CTNNA3: variants seen among roughly 807,000 people sequenced by gnomAD.
CTNNA3 encodes catenin alpha 3, also known as catenin alpha-3.
In CTNNA3, 76 loss-of-function variants were observed where a neutral mutation model predicts 95.7. That is an observed-to-expected ratio of 0.79 (90% CI 0.66 to 0.96). CTNNA3 has a LOEUF of 0.96. Ranked by LOEUF, CTNNA3 falls within the 40% of genes least tolerant of loss-of-function variation. The pLI is 0.00. For missense variants in CTNNA3, 1,191 were observed against 1,089.8 expected (o/e 1.09, Z -1.31); for synonymous variants, 431 against 374.4 (o/e 1.15, Z -1.74).
At chr10:67,390,537 C>T (rs1178151799) in intron 5 of CTNNA3, among the ~76,000 whole-genome samples, 2 of 151,750 alleles carry the variant, frequency 1.3e-5, no homozygotes, top group African/African-American at 4.8e-5. Flanking sequence ...AAGAGGGAAT[C>T]CTCCCTAACT....
At chr10:67,235,220 A>T (rs1268077526) in intron 5 of CTNNA3, among the ~76,000 whole-genome samples, 1 of 152,002 alleles carries the variant, frequency 6.6e-6, no homozygotes, top group Non-Finnish European at 1.5e-5. Flanking sequence ...ATCCTAAGCC[A>T]AAAGAACAAA....
chr10:67,017,142 A>G (rs1395025581), intron 7 of CTNNA3, among the ~76,000 whole-genome samples: 1 of 152,224 alleles, frequency 6.6e-6, no homozygotes, highest in Non-Finnish European at 1.5e-5. Flanking sequence ...CAAACAATAT[A>G]TTCATAGTAT....
intron 7 of CTNNA3, among the ~76,000 whole-genome samples, chr10:67,114,625 A>G (rs951834031): frequency 3.3e-5 from 5 of 152,044 alleles, no homozygotes; most frequent in African/African-American, 1.2e-4. Flanking sequence ...ATTTTAATCC[A>G]GTAGTTCTTA....
At chr10:66,022,285 G>A (rs1298729465) in intron 15 of CTNNA3, among the ~76,000 whole-genome samples, 2 of 152,062 alleles carry the variant, frequency 1.3e-5, no homozygotes, top group Admixed American at 6.5e-5. Context: ...CAAATAAATA[G>A]CAAAATCTCC....
intron 3 of CTNNA3, among the ~76,000 whole-genome samples, chr10:67,557,657 T>A (rs1373830727): frequency 6.6e-6 from 1 of 152,214 alleles, no homozygotes; most frequent in East Asian, 1.9e-4. Flanking sequence ...CAGTTTCAAA[T>A]AACAGAATCT....
At chr10:66,528,977 T>C (rs911576098) in intron 10 of CTNNA3, among the ~76,000 whole-genome samples, 10 of 152,170 alleles carry the variant, frequency 6.6e-5, no homozygotes, top group African/African-American at 2.4e-4. Context: ...TTCTGGATTT[T>C]GCTATATTTT....
intron 7 of CTNNA3, among the ~76,000 whole-genome samples, chr10:66,985,043 C>G (rs188664306): frequency 1.8e-3 from 275 of 152,246 alleles, no homozygotes; most frequent in African/African-American, 5.1e-3. Flanking sequence ...CTCATCCCTG[C>G]CTTTGTTTCT....
In CTNNA3 at chr10:66,379,147, C is replaced by T; in HGVS notation, c.1732+5G>A. On this transcript the variant is annotated splice_donor_5th_base_variant and intron_variant, in intron 12 of 17. Coordinates refer to ENST00000433211, the MANE Select transcript of CTNNA3 (RefSeq NM_013266.4). ...TTGTGCAGCTGTTATTGGCAACTGACTTACCAGTACTTGTAAGGAAGTTAA... is the reference window on the plus strand; with the variant it reads ...TTGTGCAGCTGTTATTGGCAACTGATTTACCAGTACTTGTAAGGAAGTTAA... 1 of 1,611,082 alleles carries T rather than the reference C, an allele frequency of 6.2e-7. No individual in the cohort carries two copies. The highest frequency in any genetic ancestry group is 8.5e-7 in the Non-Finnish European group (1 of 1,177,242).
intron 16 of CTNNA3, among the ~76,000 whole-genome samples, chr10:65,987,093 A>T (rs2078444044): frequency 6.6e-6 from 1 of 151,934 alleles, no homozygotes; most frequent in Non-Finnish European, 1.5e-5. Context: ...AAACTATAAA[A>T]CTAGTAGAAG....
At chr10:66,644,260 CTCTGTCTGTCTG>C (rs138947110) in intron 9 of CTNNA3, among the ~76,000 whole-genome samples, 1 of 144,442 alleles carries the variant, frequency 6.9e-6, no homozygotes, top group African/African-American at 2.6e-5. Flanking sequence ...GACTTGGTCT[CTCTGTCTGTCTG>C]TCTGTCTGTC....
At chr10:66,671,130 C>A (rs1846645063) in intron 9 of CTNNA3, among the ~76,000 whole-genome samples, 1 of 152,096 alleles carries the variant, frequency 6.6e-6, no homozygotes, top group Non-Finnish European at 1.5e-5. Context: ...AATTAAGAAC[C>A]AAACTGCAAA....
chr10:67,234,834 T>A (rs1227857587), intron 5 of CTNNA3, among the ~76,000 whole-genome samples: 2 of 151,200 alleles, frequency 1.3e-5, no homozygotes, highest in Non-Finnish European at 2.9e-5. Flanking sequence ...ACAAAATCAA[T>A]GTACAAAAAT....
At chr10:66,255,292 G>A (rs1287415835) in intron 13 of CTNNA3, among the ~76,000 whole-genome samples, 3 of 152,224 alleles carry the variant, frequency 2.0e-5, no homozygotes, top group Non-Finnish European at 2.9e-5. Flanking sequence ...AAAATCCCTC[G>A]CAGGCACTTC....
intron 7 of CTNNA3, among the ~76,000 whole-genome samples, chr10:67,136,588 T>A (rs1213924040): frequency 1.3e-5 from 2 of 151,670 alleles, no homozygotes; most frequent in Non-Finnish European, 2.9e-5. Flanking sequence ...GAGAGAGAAG[T>A]TTGCATTTTC....
intron 7 of CTNNA3, among the ~76,000 whole-genome samples, chr10:67,042,506 TATGTATAAGACATAGAGTGTGGCAGTGGA>T (rs1230514213): frequency 4.0e-4 from 61 of 152,278 alleles, no homozygotes; most frequent in Non-Finnish European, 7.9e-4. Flanking sequence ...TGGAGTCATA[TATGTATAAGACATAGAGTGTGGCAGTGGA>T]TCAAATAGTG....
At chr10:66,052,366 T>C (rs535514838) in intron 15 of CTNNA3, among the ~76,000 whole-genome samples, 2 of 152,184 alleles carry the variant, frequency 1.3e-5, no homozygotes, top group Admixed American at 1.3e-4. Context: ...ATATCAAAGA[T>C]TGCCTTTGAG....
chr10:66,648,870 C>T (rs1180854546), intron 9 of CTNNA3, among the ~76,000 whole-genome samples: 2 of 152,144 alleles, frequency 1.3e-5, no homozygotes, highest in African/African-American at 4.8e-5. Flanking sequence ...AAAATCATTA[C>T]AGATGGGAGA....
At chr10:66,928,527 T>C (rs889296544) in intron 7 of CTNNA3, 12 of 1,377,336 alleles carry the variant, frequency 8.7e-6, no homozygotes, top group Admixed American at 7.1e-5. Context: ...CTGGTGACTA[T>C]CAAGGGAACG....
chr10:67,246,919 T>C, intron 5 of CTNNA3, among the ~76,000 whole-genome samples: 1 of 152,236 alleles, frequency 6.6e-6, no homozygotes. Flanking sequence ...TAGCTTTTGC[T>C]ATCTCAATGT....
Sources: allele counts gnomAD v4.1 joint callset (sites outside exome capture counted in the v4.1 genomes callset), GRCh38; gene constraint gnomAD v4.1.1; transcripts MANE v1.5; gene names NCBI Gene and HGNC (gene_info 2026-07-23, HGNC 2026-07-21).